Variants in SNAP91 observed in about 807,000 individuals in gnomAD.
SNAP91 encodes the protein clathrin coat assembly protein AP180.
Under a neutral mutation model 100.3 loss-of-function variants are expected in SNAP91, and 27 were observed. That is an observed-to-expected ratio of 0.27 (90% CI 0.20 to 0.37). SNAP91 has a LOEUF of 0.37. SNAP91 is among the 10% of genes least tolerant of loss of function. The pLI, the probability that SNAP91 is intolerant of heterozygous loss-of-function variation, is 1.00. For missense variants in SNAP91, 986 were observed against 1,123.7 expected, an observed-to-expected ratio of 0.88 and a Z score of 1.75; for synonymous variants, 404 against 398.6, an observed-to-expected ratio of 1.01 and a Z score of -0.16.
intron 2 of SNAP91, chr6:83,686,183 G>GT (rs1423506381): frequency 1.0e-6 from 1 of 985,016 alleles, no homozygotes; most frequent in African/African-American, 1.7e-5. Flanking sequence ...ACTGTTTTTT[G>GT]TTTTTTCTTG....
intron 2 of SNAP91, among the ~76,000 whole-genome samples, chr6:83,701,699 T>C (rs1274014251): frequency 1.3e-5 from 2 of 152,142 alleles, no homozygotes; most frequent in African/African-American, 2.4e-5. Flanking sequence ...CTGACCGCCT[T>C]GGACTCCCAA....
chr6:83,554,469 A>C (rs1774629000), intron 29 of SNAP91, among the ~76,000 whole-genome samples, 184 bp from the exon 30 acceptor site: 1 of 152,164 alleles, frequency 6.6e-6, no homozygotes, highest in Non-Finnish European at 1.5e-5. Context: ...TAAAATTTTT[A>C]AAGTTTAGCC....
chr6:83,556,397 A>AGAGAGAG lies in SNAP91; in HGVS notation c.2632-153_2632-152insCTCTCTC, dbSNP rs1562072085. Among the ~76,000 whole-genome samples, 59 of 38,114 alleles carry AGAGAGAG rather than the reference A, an allele frequency of 1.5e-3. 1 individual carries two copies. The highest frequency in any genetic ancestry group is 1.8e-3 in the Non-Finnish European group (38 of 20,588). The allele number at this position is 38,114 out of a possible 152,430, so 25.0% of individuals were successfully genotyped here. On this transcript the variant is annotated intron_variant, in intron 28 of 29. Coordinates refer to ENST00000369694, the MANE Select transcript of SNAP91 (RefSeq NM_001242792.2). Reference sequence around the variant, plus strand: ...AGAGAGAGAGAGAGAGAGAGAGAGAAAAGCATTAGGCAGAACACATATCAA... The same window carrying AGAGAGAG: ...AGAGAGAGAGAGAGAGAGAGAGAGAAGAGAGAGAAGCATTAGGCAGAACACATATCAA...
chr6:83,673,226 G>A (rs1040257847), intron 2 of SNAP91, among the ~76,000 whole-genome samples: 17 of 152,022 alleles, frequency 1.1e-4, no homozygotes, highest in South Asian at 8.3e-4. Context: ...AAATTCATAT[G>A]TTGAAATCTA....
At chr6:83,705,317 A>G (rs935760196) in intron 2 of SNAP91, among the ~76,000 whole-genome samples, 3 of 152,148 alleles carry the variant, frequency 2.0e-5, no homozygotes, top group Admixed American at 6.5e-5. Flanking sequence ...TAGAATTAAA[A>G]TTTTTTCATG....
rs1328695734 is a variant in SNAP91 at position 83,593,890 on chromosome 6, C to A, written c.1433-149G>T. Reference sequence around the variant, plus strand: ...TTGGATTTAACTACTATCCTACTGGCAGGGGTTAGTGATTAGGATGTTTTT... The same window carrying A: ...TTGGATTTAACTACTATCCTACTGGAAGGGGTTAGTGATTAGGATGTTTTT... On this transcript the variant is annotated intron_variant, in intron 17 of 29. Transcript: ENST00000369694. The A allele has an allele frequency of 1.9e-5, 24 of 1,285,886 alleles. 1 individual carries two copies. The South Asian group carries it at 2.5e-4, about 13-fold the overall frequency. 79.7% of individuals were successfully genotyped at this position (1,285,886 alleles called of 1,614,324 possible).
At chr6:83,588,924 G>GCT (rs2093308045) in intron 22 of SNAP91, among the ~76,000 whole-genome samples, 1 of 152,128 alleles carries the variant, frequency 6.6e-6, no homozygotes, top group Non-Finnish European at 1.5e-5. Flanking sequence ...TGTCTGGTAG[G>GCT]CTTCAAATTC....
At chr6:83,603,401 T>G (rs2095408157) in intron 14 of SNAP91, among the ~76,000 whole-genome samples, 1 of 152,028 alleles carries the variant, frequency 6.6e-6, no homozygotes, top group African/African-American at 2.4e-5. Flanking sequence ...TGATTTTTTT[T>G]TCTTTATTTT....
rs1387797139 is a variant in SNAP91 at position 83,665,382 on chromosome 6, T to C, written c.273+57A>G. On this transcript the variant is annotated intron_variant, in intron 3 of 29. Transcript: ENST00000369694. ...TTCAAAGAGCCTTAAATCATCACCA[T>C]GCTCTTCCTAAAAGCCTCCTTCCTC... 5.9e-6 allele frequency: 9 copies of C among 1,537,792 alleles called. No individual in the cohort carries two copies. In the Admixed American group the frequency reaches 7.6e-5, roughly 13 times the overall value.
chr6:83,604,726 T>G (rs1479061981), intron 14 of SNAP91, among the ~76,000 whole-genome samples: 3 of 152,186 alleles, frequency 2.0e-5, no homozygotes, highest in Non-Finnish European at 4.4e-5. Flanking sequence ...GGAGAAAAGA[T>G]AACCTCAAGG....
At chr6:83,644,985 C>T (rs1562486239) in intron 7 of SNAP91, among the ~76,000 whole-genome samples, 1 of 152,104 alleles carries the variant, frequency 6.6e-6, no homozygotes, top group African/African-American at 2.4e-5. Flanking sequence ...GGTTCTAATA[C>T]AATGATTCCC....
chr6:83,697,842 T>C (rs976125192), intron 2 of SNAP91, among the ~76,000 whole-genome samples: 2 of 152,072 alleles, frequency 1.3e-5, no homozygotes, highest in Admixed American at 6.6e-5. Context: ...ATAAAAATCA[T>C]TCAATAAATA....
chr6:83,640,665 A>C (rs2097659347), intron 8 of SNAP91, among the ~76,000 whole-genome samples: 1 of 152,186 alleles, frequency 6.6e-6, no homozygotes, highest in Non-Finnish European at 1.5e-5. Flanking sequence ...TGTATAAATC[A>C]TTGCCAAAGT....
intron 9 of SNAP91, among the ~76,000 whole-genome samples, chr6:83,619,674 C>T (rs938702289): frequency 9.2e-5 from 14 of 152,090 alleles, no homozygotes; most frequent in Non-Finnish European, 1.0e-4. Context: ...CAGTAGTTTT[C>T]GTATCAACCA....
At chr6:83,609,642 A>G (rs573777085) in intron 12 of SNAP91, among the ~76,000 whole-genome samples, 1 of 152,370 alleles carries the variant, frequency 6.6e-6, no homozygotes, top group South Asian at 2.1e-4. Flanking sequence ...AATGTGAACT[A>G]CAGACCTATA....
chr6:83,626,265 T>C (rs2096924919), intron 8 of SNAP91, among the ~76,000 whole-genome samples: 1 of 152,134 alleles, frequency 6.6e-6, no homozygotes, highest in African/African-American at 2.4e-5. Context: ...ACTGCACCCT[T>C]GTAGTATAGT....
intron 2 of SNAP91, among the ~76,000 whole-genome samples, chr6:83,675,385 T>C (rs1030470184): frequency 1.3e-5 from 2 of 152,208 alleles, no homozygotes; most frequent in Non-Finnish European, 2.9e-5. Flanking sequence ...TTATTTACTT[T>C]AGTTGATATA....
chr6:83,705,199 A>T (rs1223512167), intron 2 of SNAP91, among the ~76,000 whole-genome samples: 1 of 152,226 alleles, frequency 6.6e-6, no homozygotes, highest in Non-Finnish European at 1.5e-5. Flanking sequence ...TTATTAGAAA[A>T]GTAAAACATT....
chr6:83,611,437 C>A, intron 11 of SNAP91: 1 of 455,956 alleles, frequency 2.2e-6, no homozygotes, highest in Non-Finnish European at 4.4e-6. Context: ...GAACAGCTCA[C>A]ATTTTACTAA....
Sources: allele counts gnomAD v4.1 joint callset (sites outside exome capture counted in the v4.1 genomes callset), GRCh38; gene constraint gnomAD v4.1.1; transcripts MANE v1.5; gene names NCBI Gene and HGNC (gene_info 2026-07-23, HGNC 2026-07-21).